Variants in ARHGEF19 observed in about 807,000 individuals in gnomAD.
ARHGEF19 encodes Rho guanine nucleotide exchange factor (GEF) 19.
A neutral mutation model predicts 87.6 loss-of-function variants in ARHGEF19; 92 were observed. The observed-to-expected ratio is 1.05, with a 90% CI of 0.89 to 1.25. ARHGEF19 has a LOEUF of 1.25. ARHGEF19 is among the 50% of genes most tolerant of loss of function. The pLI, the probability that ARHGEF19 is intolerant of heterozygous loss-of-function variation, is 0.00. For missense variants in ARHGEF19, 1,054 were observed against 1,051.8 expected (o/e 1.00, Z -0.03); for synonymous variants, 438 against 446.2 (o/e 0.98, Z 0.23).
chr1:16,211,087 G>A (rs1375692055), intron 1 of ARHGEF19, among the ~76,000 whole-genome samples: 1 of 152,168 alleles, frequency 6.6e-6, no homozygotes, highest in Non-Finnish European at 1.5e-5. Flanking sequence ...AGCCTGAAAA[G>A]TACCCATCTG....
At position 16,201,952 on chromosome 1, in the gene ARHGEF19, G is replaced by T. The variant is rs2081086730; in HGVS notation, c.2067-91C>A. 23 of 1,372,888 alleles carry T rather than the reference G, an allele frequency of 1.7e-5. 2 individuals carry two copies. The South Asian group carries it at 3.0e-4, about 18-fold the overall frequency. The allele number at this position is 1,372,888 out of a possible 1,614,324, so 85.0% of individuals were successfully genotyped here. A position where few individuals can be genotyped will look rare whatever the true frequency, so the allele number is the denominator to read the frequency against. Reference sequence around the variant, plus strand: ...AACCAAGGCTGGGGGAGCCAGACATGATGTCCAGGCCTAGGACCCAGGCCT... The same window carrying T: ...AACCAAGGCTGGGGGAGCCAGACATTATGTCCAGGCCTAGGACCCAGGCCT... On this transcript the variant is annotated intron_variant, in intron 13 of 15. Coordinates refer to ENST00000270747, the MANE Select transcript of ARHGEF19 (RefSeq NM_153213.5).
intron 12 of ARHGEF19, among the ~76,000 whole-genome samples, chr1:16,204,042 T>G (rs2081103727): frequency 6.6e-6 from 1 of 152,318 alleles, no homozygotes; most frequent in African/African-American, 2.4e-5. Flanking sequence ...CATCCTTTTT[T>G]GTTTTAAGAG....
intron 1 of ARHGEF19, among the ~76,000 whole-genome samples, chr1:16,210,363 C>G (rs2081188296): frequency 6.6e-6 from 1 of 152,132 alleles, no homozygotes; most frequent in South Asian, 2.1e-4. Flanking sequence ...CCAGGACCCC[C>G]CAGAGGCCCC....
intron 12 of ARHGEF19, among the ~76,000 whole-genome samples, chr1:16,203,636 T>C: frequency 6.6e-6 from 1 of 152,186 alleles, no homozygotes; most frequent in Non-Finnish European, 1.5e-5. Flanking sequence ...CTTTCTCCTT[T>C]ACAAATCCAG....
rs2081144345 is a variant in ARHGEF19, at chr1:16,207,037, A to C, written c.1048T>G (p.Ser350Ala). 1.3e-6 allele frequency: 2 copies of C among 1,510,552 alleles called. No individual in the cohort carries two copies. Among genetic ancestry groups the C allele is most frequent in the African/African-American group, 2.9e-5 (2 of 68,532 alleles). 93.6% of individuals were successfully genotyped at this position (1,510,552 alleles called of 1,614,324 possible). A position where few individuals can be genotyped will look rare whatever the true frequency, so the allele number is the denominator to read the frequency against. ...SFRAQRSARGSTFSLWQDIPD... is the reference protein window; with the variant it reads ...SFRAQRSARGATFSLWQDIPD... ...ATATCCTGCCACAGCGAGAAGGTGG[A>C]GCCTCGCGCCGAGCGCTGCGCCCGG... The change falls in exon 6 of 16, where the codon TCC (serine) becomes GCC (alanine). Residue 350 changes from serine to alanine, a missense_variant. Ser to Ala is a moderately conservative substitution (Grantham distance 99). Coordinates refer to ENST00000270747, the MANE Select transcript of ARHGEF19 (RefSeq NM_153213.5). The surrounding 1 kb of genome is among the most constrained non-coding windows in gnomAD (Gnocchi z 4.0).
Position 16,205,313 on chromosome 1 carries a change from C to T in ARHGEF19, c.1656+38G>A, listed in dbSNP as rs773177311. 2 of 1,612,950 alleles carry T rather than the reference C, an allele frequency of 1.2e-6. No homozygotes were observed. The highest frequency in any genetic ancestry group is 8.5e-7 in the Non-Finnish European group (1 of 1,179,294). ...AGACGTGCTGGGGGTCCAGGGGGGG[C>T]CTCAGGAGCCAAGCAGCCCCTGCCC... is the stretch of plus-strand genomic sequence containing the variant. On this transcript the variant is annotated intron_variant, in intron 10 of 15. Coordinates refer to ENST00000270747, the MANE Select transcript of ARHGEF19 (RefSeq NM_153213.5). This position sits in a 1 kb window ranked among gnomAD's most constrained non-coding sequence, Gnocchi z 5.8.
intron 14 of ARHGEF19, among the ~76,000 whole-genome samples, chr1:16,199,578 G>A (rs569371530): frequency 2.6e-5 from 4 of 151,870 alleles, no homozygotes; most frequent in African/African-American, 7.3e-5. Flanking sequence ...AGACCCCAAC[G>A]TCCAACTGCC....
At position 16,198,606 on chromosome 1, in the gene ARHGEF19, A is replaced by T. The variant is rs747850038; in HGVS notation, c.2390T>A (p.Leu797Gln). 6.2e-7 allele frequency: 1 copy of T among 1,611,408 alleles called. No homozygotes were observed. Among genetic ancestry groups the T allele is most frequent in the East Asian group, 2.2e-5 (1 of 44,864 alleles). ...TGCCCATCACACAGGAGCCTCCCCC[A>T]GTTTGCTGGTGGCACTTGTGACTCG... The part of the protein sequence containing the change: ...NKRVTSATSK[L>Q]GEAPV Residue 797 changes from leucine to glutamine, a missense_variant, in exon 16 of 16, where the codon CTG becomes CAG. Coordinates refer to ENST00000270747, the MANE Select transcript of ARHGEF19 (RefSeq NM_153213.5). This position sits in a 1 kb window ranked among gnomAD's most constrained non-coding sequence, Gnocchi z 4.1.
In ARHGEF19 at chr1:16,206,740, T is replaced by C. The variant is rs1343493508; in HGVS notation, c.1137+208A>G. Among the ~76,000 whole-genome samples, 1 of 151,162 alleles carries C rather than the reference T, an allele frequency of 6.6e-6. No individual in the cohort carries two copies. Among genetic ancestry groups the C allele is most frequent in the Non-Finnish European group, 1.5e-5 (1 of 67,820 alleles). On this transcript the variant is annotated intron_variant, in intron 6 of 15. Coordinates refer to ENST00000270747, the MANE Select transcript of ARHGEF19 (RefSeq NM_153213.5). The surrounding 1 kb of genome is among the most constrained non-coding windows in gnomAD (Gnocchi z 4.6). Reference sequence around the variant, plus strand: ...CCCCCTACCCGCACCCAAGCCCGGCTCCCCTCGCCTCTCGCTCAGCGGCTT... The same window carrying C: ...CCCCCTACCCGCACCCAAGCCCGGCCCCCCTCGCCTCTCGCTCAGCGGCTT...
rs1307353046 is a variant in ARHGEF19 at position 16,197,910 on chromosome 1, T to A, written c.*677A>T. ...AGCCTATTTGTATCTGATATTTTGT[T>A]ACTTGCAGCCAAAAGCAGCCTAGCT... On this transcript the variant is annotated 3_prime_UTR_variant, in exon 16 of 16. Coordinates refer to ENST00000270747, the MANE Select transcript of ARHGEF19 (RefSeq NM_153213.5). 6.6e-6 allele frequency: 1 copy of A among 152,264 alleles called. No homozygotes were observed. The highest frequency in any genetic ancestry group is 2.4e-5 in the African/African-American group (1 of 41,448). The allele number at this position is 152,264 out of a possible 1,614,324, so 9.4% of individuals were successfully genotyped here.
At position 16,205,041 on chromosome 1, in the gene ARHGEF19, A is replaced by C; in HGVS notation, c.1746+46T>G. The C allele has an allele frequency of 1.9e-6, 3 of 1,567,760 alleles. No homozygotes were observed. Among genetic ancestry groups the C allele is most frequent in the Non-Finnish European group, 2.6e-6 (3 of 1,155,568 alleles). On this transcript the variant is annotated intron_variant, in intron 11 of 15. Transcript: ENST00000270747. This position sits in a 1 kb window ranked among gnomAD's most constrained non-coding sequence, Gnocchi z 5.8. The stretch of plus-strand genomic sequence containing the variant: ...AAGCCCCCAGGGCAAGGAAGAAACA[A>C]GAGCTGCCCCTTGGGGTCCCCATCC...
At position 16,205,545 on chromosome 1, in the gene ARHGEF19, A is replaced by G; in HGVS notation, c.1574T>C (p.Leu525Ser). 2.5e-6 allele frequency: 4 copies of G among 1,613,846 alleles called. No homozygotes were observed. The highest frequency in any genetic ancestry group is 1.1e-5 in the South Asian group (1 of 91,068). The change falls in exon 9 of 16, where the codon TTG becomes TCG. Residue 525 changes from leucine to serine, a missense_variant. Transcript: ENST00000270747. This position sits in a 1 kb window ranked among gnomAD's most constrained non-coding sequence, Gnocchi z 5.8. ...CCTGTCCCCTCGAGGTACCTCCACC[A>G]ACATCTTGAGGCGGGTGATCCTCTG... is the stretch of plus-strand genomic sequence containing the variant. Reference protein sequence around the residue: ...PFQRITRLKMLVENILKRTAQ... With the variant: ...PFQRITRLKMSVENILKRTAQ...
rs756605157 is a variant in ARHGEF19, at chr1:16,205,307, G to T, written c.1656+44C>A. 1 of 1,612,758 alleles carries T rather than the reference G, an allele frequency of 6.2e-7. No homozygotes were observed. Among genetic ancestry groups the T allele is most frequent in the East Asian group, 2.2e-5 (1 of 44,864 alleles). On this transcript the variant is annotated intron_variant, in intron 10 of 15. Coordinates refer to ENST00000270747, the MANE Select transcript of ARHGEF19 (RefSeq NM_153213.5). This position sits in a 1 kb window ranked among gnomAD's most constrained non-coding sequence, Gnocchi z 5.8. ...TTTTAGAGACGTGCTGGGGGTCCAG[G>T]GGGGGCCTCAGGAGCCAAGCAGCCC...
intron 1 of ARHGEF19, among the ~76,000 whole-genome samples, chr1:16,210,952 C>T (rs575361632): frequency 1.1e-4 from 16 of 152,272 alleles, no homozygotes; most frequent in Admixed American, 5.2e-4. Flanking sequence ...CACAGCTTCT[C>T]AACTGCTTCC....
rs376388390 is a variant in ARHGEF19, at chr1:16,198,744, C to G, written c.2252G>C (p.Gly751Ala). ...ILSVRTWTSD[G>A]WLEGVRLADG... is the part of the protein sequence containing the mutation. ...TGCCAGGCGGACCCCTTCCAGCCAG[C>G]CTAGGGACACATAGGCCAAGAACAA... Residue 751 changes from glycine (G) to alanine (A), a missense_variant and splice_region_variant, in exon 16 of 16, where the codon GGC (glycine) becomes GCC (alanine). Transcript: ENST00000270747. This position sits in a 1 kb window ranked among gnomAD's most constrained non-coding sequence, Gnocchi z 4.1. 10 of 1,598,620 alleles carry G rather than the reference C, an allele frequency of 6.3e-6. No homozygotes were observed. The highest frequency in any genetic ancestry group is 1.3e-5 in the African/African-American group (1 of 74,456).
chr1:16,205,978 G>A lies in ARHGEF19; in HGVS notation c.1404C>T (p.Pro468=), dbSNP rs1193824349. 1 of 1,611,350 alleles carries A rather than the reference G, an allele frequency of 6.2e-7. No individual in the cohort carries two copies. Among genetic ancestry groups the A allele is most frequent in the African/African-American group, 1.3e-5 (1 of 75,028 alleles). Residue 468 remains proline, a synonymous_variant, in exon 8 of 16, where the codon CCC becomes CCT. Transcript: ENST00000270747. This position sits in a 1 kb window ranked among gnomAD's most constrained non-coding sequence, Gnocchi z 5.8. Reference sequence around the variant, plus strand: ...CCTGGTAGGCCTGGTTGGTGACATAGGGCAGGTAGACTCTGCGGAAGGCCG... The same window carrying A: ...CCTGGTAGGCCTGGTTGGTGACATAAGGCAGGTAGACTCTGCGGAAGGCCG... ...HCPAFRRVYL[P]YVTNQAYQER...
At chr1:16,212,160 A>G (rs535870994) in intron 1 of ARHGEF19, among the ~76,000 whole-genome samples, 1 of 152,326 alleles carries the variant, frequency 6.6e-6, no homozygotes, top group East Asian at 1.9e-4. Context: ...CGATGGGCCC[A>G]CTTAGCAAGG....
Position 16,206,982 on chromosome 1 carries a change from G to A in ARHGEF19, c.1103C>T (p.Ala368Val), listed in dbSNP as rs1395202588. The A allele has an allele frequency of 6.6e-7, 1 of 1,513,186 alleles. No homozygotes were observed. Among genetic ancestry groups the A allele is most frequent in the Admixed American group, 2.1e-5 (1 of 47,288 alleles). 93.7% of individuals were successfully genotyped at this position (1,513,186 alleles called of 1,614,324 possible). A position where few individuals can be genotyped will look rare whatever the true frequency, so the allele number is the denominator to read the frequency against. Residue 368 changes from alanine (A) to valine (V), a missense_variant, in exon 6 of 16, where the codon GCC becomes GTC. Physicochemically the swap from Ala to Val is moderately conservative, Grantham distance 64. Transcript: ENST00000270747. The surrounding 1 kb of genome is among the most constrained non-coding windows in gnomAD (Gnocchi z 4.6). ...IPDVRGSGVL[A>V]TLSLRDCKLQ... ...CTTGCAGTCCCGCAGGCTCAGCGTG[G>A]CCAGGACGCCGCTGCCGCGTACGTC...
In ARHGEF19 at chr1:16,205,622, C is replaced by T; in HGVS notation, c.1497G>A (p.Glu499=). The change falls in exon 9 of 16, where the codon GAG becomes GAA. Residue 499 remains glutamate (E), a synonymous_variant. Coordinates refer to ENST00000270747, the MANE Select transcript of ARHGEF19 (RefSeq NM_153213.5). This position sits in a 1 kb window ranked among gnomAD's most constrained non-coding sequence, Gnocchi z 5.8. ...GGGGCAGACGCTGGCACACAGGAGACTCCTCCAGGCGAGCCAGGATGCCAG... is the reference window on the plus strand; with the variant it reads ...GGGGCAGACGCTGGCACACAGGAGATTCCTCCAGGCGAGCCAGGATGCCAG... ...RFPGILARLE[E]SPVCQRLPLT... is the part of the protein sequence containing the mutation. 6.2e-7 allele frequency: 1 copy of T among 1,613,454 alleles called. No homozygotes were observed. The highest frequency in any genetic ancestry group is 8.5e-7 in the Non-Finnish European group (1 of 1,179,778).
Sources: gnomAD v4.1 joint callset for allele counts (sites outside exome capture counted in the v4.1 genomes callset) on GRCh38, gnomAD v4.1.1 for gene constraint, Gnocchi (gnomAD v3.1) non-coding constraint, MANE v1.5 for transcripts, NCBI Gene and HGNC (gene_info 2026-07-23, HGNC 2026-07-21) for gene names.